The following RPS3 variants were observed in gnomAD, a reference collection of about 807,000 sequenced individuals.
The protein encoded by RPS3 is small ribosomal subunit protein uS3.
In RPS3, 2 loss-of-function variants were observed where a neutral mutation model predicts 25.8. That is an observed-to-expected ratio of 0.08 (90% CI 0.03 to 0.24). The LOEUF (loss-of-function observed/expected upper bound fraction) is 0.24. RPS3 is among the 10% of genes least tolerant of loss of function. The pLI, the probability that RPS3 is intolerant of heterozygous loss-of-function variation, is 1.00. For missense variants in RPS3, 107 were observed against 307.1 expected, an observed-to-expected ratio of 0.35 and a Z score of 4.87; for synonymous variants, 114 against 114.2, an observed-to-expected ratio of 1.00 and a Z score of 0.01.
downstream of RPS3, among the ~76,000 whole-genome samples, chr11:75,407,830 G>A (rs566305598): frequency 2.6e-5 from 4 of 152,316 alleles, no homozygotes; most frequent in Non-Finnish European, 4.4e-5. Flanking sequence ...ATTAGATTAG[G>A]TGATCTTTTA....
chr11:75,408,159 T>C (rs1948306965), downstream of RPS3, among the ~76,000 whole-genome samples: 1 of 152,178 alleles, frequency 6.6e-6, no homozygotes, highest in Non-Finnish European at 1.5e-5. Flanking sequence ...ATTATTAGTG[T>C]ATAGATTATT....
intron 3 of RPS3, 95 bp downstream of exon 3, chr11:75,401,828 A>G (rs1223550047): frequency 1.3e-6 from 1 of 766,212 alleles, no homozygotes; most frequent in Non-Finnish European, 2.3e-6. Flanking sequence ...TGTTCATTAC[A>G]AATGGACTGG....
At chr11:75,409,809 G>C (rs1329300797), downstream of RPS3, among the ~76,000 whole-genome samples, 1 of 138,670 alleles carries the variant, frequency 7.2e-6, no homozygotes, top group African/African-American at 3.1e-5. Context: ...CTGGCTGGGC[G>C]GGGGGCTGAC....
chr11:75,417,008 C>T (rs934178757), intron 6 of RPS3, among the ~76,000 whole-genome samples: 5 of 152,168 alleles, frequency 3.3e-5, no homozygotes, highest in Admixed American at 2.6e-4. Flanking sequence ...ACATTTATAG[C>T]GTAAGCATGA....
At chr11:75,416,648 G>C (rs1210635934) in intron 6 of RPS3, among the ~76,000 whole-genome samples, 1 of 151,950 alleles carries the variant, frequency 6.6e-6, no homozygotes, top group African/African-American at 2.4e-5. Flanking sequence ...AGTAGAGACG[G>C]GGTTTCACCA....
At chr11:75,402,180 G>A in intron 3 of RPS3, 172 bp from the exon 4 acceptor site, 4 of 926,804 alleles carry the variant, frequency 4.3e-6, no homozygotes, top group Non-Finnish European at 6.5e-6. Flanking sequence ...AAAAAATCAC[G>A]ATGTTGAATT....
intron 3 of RPS3, 79 bp downstream of exon 3, chr11:75,401,812 ATTGT>A: frequency 1.2e-6 from 1 of 837,388 alleles, no homozygotes; most frequent in East Asian, 2.4e-5. Flanking sequence ...GGAGACTTTA[ATTGT>A]TTGTTCATTA....
chr11:75,414,303 A>G (rs1948379701), intron 6 of RPS3, among the ~76,000 whole-genome samples: 1 of 152,196 alleles, frequency 6.6e-6, no homozygotes, highest in South Asian at 2.1e-4. Context: ...GAAGCCTTTC[A>G]TGGACTTCTC....
Position 75,404,802 on chromosome 11 carries a change from C to G in RPS3, c.669C>G (p.Ile223Met), listed in dbSNP as rs1481403035. Residue 223 changes from isoleucine (I) to methionine (M), a missense_variant, in exon 6 of 7, where the codon ATC becomes ATG. Physicochemically the swap from Ile to Met is conservative, Grantham distance 10. This residue lies in a region of RPS3 where 81 missense variants were observed against 286.8 expected (regional missense o/e 0.28). Transcript: ENST00000531188. The surrounding 1 kb of genome is among the most constrained non-coding windows in gnomAD (Gnocchi z 4.6). ...PKDEILPTTP[I>M]SEQKGGKPEP... ...ATGAGATACTGCCCACCACCCCCAT[C>G]TCAGAACAGAAGGGTGGGAAGCCAG... The G allele has an allele frequency of 1.2e-6, 2 of 1,613,838 alleles. No homozygotes were observed. Among genetic ancestry groups the G allele is most frequent in the Admixed American group, 1.7e-5 (1 of 59,982 alleles).
intron 3 of RPS3, 79 bp from the exon 4 acceptor site, chr11:75,402,273 G>C (rs1331029523): frequency 6.3e-7 from 1 of 1,588,890 alleles, no homozygotes; most frequent in African/African-American, 1.3e-5. Flanking sequence ...AGTGATACTT[G>C]TGTGGCAAAT....
At chr11:75,403,168 C>T (rs542514266) in intron 4 of RPS3, 2 of 152,266 alleles carry the variant, frequency 1.3e-5, no homozygotes, top group East Asian at 1.9e-4. Flanking sequence ...TAGGTAAGGA[C>T]ATAGAAAAGA....
chr11:75,413,467 AGGAT>A (rs1321464881), intron 6 of RPS3, among the ~76,000 whole-genome samples: 1 of 151,994 alleles, frequency 6.6e-6, no homozygotes, highest in Non-Finnish European at 1.5e-5. Flanking sequence ...CGTGTTAGCC[AGGAT>A]GGTCTCTATC....
chr11:75,403,095 A>T (rs1205980773), intron 4 of RPS3: 5 of 152,232 alleles, frequency 3.3e-5, no homozygotes, highest in Admixed American at 2.0e-4. Flanking sequence ...GCCTAGAGGA[A>T]TGACAGGAAA....
chr11:75,405,640 G>A lies in RPS3; in HGVS notation c.*30G>A. Reference sequence around the variant, plus strand: ...GTCTCCTTGGCAGCTGTATTCTGGAGTCTGGATGTTGCTCTCTAAAGACCT... The same window carrying A: ...GTCTCCTTGGCAGCTGTATTCTGGAATCTGGATGTTGCTCTCTAAAGACCT... On this transcript the variant is annotated 3_prime_UTR_variant, in exon 7 of 7. Transcript: ENST00000531188. The A allele has an allele frequency of 2.2e-6, 1 of 456,160 alleles. No individual in the cohort carries two copies. Among genetic ancestry groups the A allele is most frequent in the Non-Finnish European group, 4.4e-6 (1 of 226,950 alleles). 28.3% of individuals were successfully genotyped at this position (456,160 alleles called of 1,614,324 possible). A position where few individuals can be genotyped will look rare whatever the true frequency, so the allele number is the denominator to read the frequency against.
In RPS3 at chr11:75,404,159, G is replaced by A. The variant is rs1244837718; in HGVS notation, c.490G>A (p.Val164Ile). 1 of 1,614,210 alleles carries A rather than the reference G, an allele frequency of 6.2e-7. No individual in the cohort carries two copies. The highest frequency in any genetic ancestry group is 2.2e-5 in the East Asian group (1 of 44,890). The change falls in exon 5 of 7, where the codon GTT becomes ATT. Residue 164 changes from valine (V) to isoleucine (I), a missense_variant. Val to Ile is a conservative substitution (Grantham distance 29, BLOSUM62 3). This residue lies in a region of RPS3 where 81 missense variants were observed against 286.8 expected (regional missense o/e 0.28). Coordinates refer to ENST00000531188, the MANE Select transcript of RPS3 (RefSeq NM_001005.5). The surrounding 1 kb of genome is among the most constrained non-coding windows in gnomAD (Gnocchi z 4.6). Reference sequence around the variant, plus strand: ...CCTGATGATCCACAGCGGAGACCCTGTTAACTACTACGTTGACACTGCTGT... The same window carrying A: ...CCTGATGATCCACAGCGGAGACCCTATTAACTACTACGTTGACACTGCTGT... ...DGLMIHSGDP[V>I]NYYVDTAVRH...
chr11:75,404,418 AC>A lies in RPS3; in HGVS notation c.538+214del. On this transcript the variant is annotated intron_variant, in intron 5 of 6. Coordinates refer to ENST00000531188, the MANE Select transcript of RPS3 (RefSeq NM_001005.5). This position sits in a 1 kb window ranked among gnomAD's most constrained non-coding sequence, Gnocchi z 4.6. ...TTGTCCTTGTTTTAGCCATCTGTGT[AC>A]CCTTCAGTGATGACACGATGACGAG... The A allele has an allele frequency of 1.3e-6, 1 of 784,794 alleles. No individual in the cohort carries two copies. The highest frequency in any genetic ancestry group is 2.3e-6 in the Non-Finnish European group (1 of 433,116). The allele number at this position is 784,794 out of a possible 1,614,324, so 48.6% of individuals were successfully genotyped here. A position where few individuals can be genotyped will look rare whatever the true frequency, so the allele number is the denominator to read the frequency against.
chr11:75,408,103 A>G (rs997076895), downstream of RPS3, among the ~76,000 whole-genome samples: 3 of 152,236 alleles, frequency 2.0e-5, no homozygotes, highest in African/African-American at 4.8e-5. Context: ...TAAGAGTAAC[A>G]GCTTAGGGAG....
chr11:75,400,619 T>C, intron 1 of RPS3, 75 bp from the exon 2 acceptor site: 6 of 1,587,016 alleles, frequency 3.8e-6, no homozygotes, highest in Non-Finnish European at 3.4e-6. Flanking sequence ...CATTGACTAA[T>C]AAGACTAGAC....
rs866316894 is a variant in RPS3 at position 75,415,824 on chromosome 11, A to T, written c.*4-5903A>T. On this transcript the variant is annotated intron_variant, in intron 6 of 6. Coordinates refer to the RPS3 transcript ENST00000527446. ...CCATCTCAAAAAAAAAAAAAAAAAA[A>T]GCCAGGTGTGGTGTGGTGGCACATG... Among the ~76,000 whole-genome samples the T allele has an allele frequency of 5.8e-3, 862 of 148,112 alleles. 6 individuals are homozygous for T. Among genetic ancestry groups the T allele is most frequent in the African/African-American group, 0.02 (822 of 40,632 alleles).
Sources: allele counts gnomAD v4.1 joint callset (sites outside exome capture counted in the v4.1 genomes callset), GRCh38; gene constraint gnomAD v4.1.1; regional missense constraint gnomAD v4.1.1; non-coding constraint Gnocchi (gnomAD v3.1); transcripts MANE v1.5; gene names NCBI Gene and HGNC (gene_info 2026-07-23, HGNC 2026-07-21).